The following UNC45B variants were observed in gnomAD, a reference collection of about 807,000 sequenced individuals.
UNC45B encodes unc-45 myosin chaperone B.
Under a neutral mutation model 98.7 loss-of-function variants are expected in UNC45B, and 78 were observed. That is an observed-to-expected ratio of 0.79 (90% CI 0.66 to 0.95). The LOEUF (loss-of-function observed/expected upper bound fraction) is 0.95. UNC45B is among the 40% of genes least tolerant of loss of function. The probability of loss-of-function intolerance (pLI) is 0.00; values close to 1 mark genes in which losing one functional copy is unlikely to be tolerated. For missense variants in UNC45B, 1,225 were observed against 1,184.9 expected (o/e 1.03, Z -0.50); for synonymous variants, 462 against 480.4 (o/e 0.96, Z 0.50).
intron 8 of UNC45B, among the ~76,000 whole-genome samples, chr17:35,161,833 G>C (rs2092104624): frequency 6.6e-6 from 1 of 152,142 alleles, no homozygotes; most frequent in Non-Finnish European, 1.5e-5. Flanking sequence ...TCCAGGAAGG[G>C]GAGAGGGGCT....
intron 9 of UNC45B, among the ~76,000 whole-genome samples, chr17:35,165,477 G>A (rs900507870): frequency 3.9e-5 from 6 of 152,196 alleles, no homozygotes; most frequent in African/African-American, 1.2e-4. Flanking sequence ...ATGCTTAAAA[G>A]CACTCCAGGT....
At chr17:35,177,167 GGGT>G (rs1427791168) in intron 16 of UNC45B, 37 bp downstream of exon 16, 1 of 1,566,854 alleles carries the variant, frequency 6.4e-7, no homozygotes, top group South Asian at 1.1e-5. Context: ...GCAATGGGAG[GGGT>G]CTCCTTTGCT....
At chr17:35,183,111 G>A (rs2142607440) in intron 18 of UNC45B, among the ~76,000 whole-genome samples, 1 of 151,690 alleles carries the variant, frequency 6.6e-6, no homozygotes, top group South Asian at 2.1e-4. Context: ...AAAGGGATGG[G>A]AAATACAGTT....
rs941401331 is a variant in UNC45B at position 35,171,570 on chromosome 17, G to A, written c.1830+108G>A. The A allele has an allele frequency of 1.7e-5, 23 of 1,374,086 alleles. No homozygotes were observed. In the Admixed American group the frequency reaches 2.2e-4, roughly 13 times the overall value. 85.1% of individuals were successfully genotyped at this position (1,374,086 alleles called of 1,614,324 possible). ...CAGGAGTGGCACGGTGTGTGTTTGGGTGGTTGGGGGTAAGATACACATACA... is the reference window on the plus strand; with the variant it reads ...CAGGAGTGGCACGGTGTGTGTTTGGATGGTTGGGGGTAAGATACACATACA... On this transcript the variant is annotated intron_variant, in intron 13 of 19. Transcript: ENST00000394570.
In UNC45B at chr17:35,155,456, T is replaced by A. The variant is rs752299850; in HGVS notation, c.800T>A (p.Leu267Gln). The A allele has an allele frequency of 1.2e-6, 2 of 1,614,106 alleles. No individual in the cohort carries two copies. The highest frequency in any genetic ancestry group is 1.7e-6 in the Non-Finnish European group (2 of 1,179,964). ...KREHRGKEEA[L>Q]VLDTKKDLKQ... Reference sequence around the variant, plus strand: ...GAGCATCGAGGGAAGGAGGAGGCCCTGGTTCTAGGTAGGAAACATTCTTCA... The same window carrying A: ...GAGCATCGAGGGAAGGAGGAGGCCCAGGTTCTAGGTAGGAAACATTCTTCA... The change falls in exon 7 of 20, where the codon CTG (leucine) becomes CAG (glutamine). Residue 267 changes from leucine (L) to glutamine (Q), a missense_variant. Leu to Gln is a moderately radical substitution (Grantham distance 113). Transcript: ENST00000394570.
At chr17:35,177,231 T>G in intron 16 of UNC45B, 101 bp downstream of exon 16, 1 of 1,127,872 alleles carries the variant, frequency 8.9e-7, no homozygotes, top group South Asian at 1.5e-5. Context: ...GACAGGGGCA[T>G]GGTGCTGTCA....
chr17:35,171,467 G>A lies in UNC45B; in HGVS notation c.1830+5G>A, dbSNP rs749978679. On this transcript the variant is annotated splice_donor_5th_base_variant and intron_variant, in intron 13 of 19. Transcript: ENST00000394570. ...GTGCCCGAGGAACACCCCAAGGTAG[G>A]GTCAGGCGCGACCCGGGAGGGGTCT... 17 of 1,613,672 alleles carry A rather than the reference G, an allele frequency of 1.1e-5. No individual in the cohort carries two copies. The highest frequency in any genetic ancestry group is 1.4e-5 in the Non-Finnish European group (17 of 1,179,822).
chr17:35,154,040 A>G (rs1454049042), intron 5 of UNC45B, among the ~76,000 whole-genome samples: 2 of 152,126 alleles, frequency 1.3e-5, no homozygotes, highest in Non-Finnish European at 2.9e-5. Context: ...GACTCACCCA[A>G]GCTCATACAG....
intron 8 of UNC45B, among the ~76,000 whole-genome samples, chr17:35,160,216 C>T (rs2092093133): frequency 6.6e-6 from 1 of 152,142 alleles, no homozygotes; most frequent in African/African-American, 2.4e-5. Flanking sequence ...GTCTCCTGCT[C>T]AGTAAATGAT....
chr17:35,155,276 G>A lies in UNC45B; in HGVS notation c.640-20G>A. ...AGGGAGGGGCAAGGCAGCTGACCAT[G>A]GTTCTTGCTGGGGTTCTAGGCCACA... On this transcript the variant is annotated intron_variant, in intron 6 of 19. Coordinates refer to ENST00000394570, the MANE Select transcript of UNC45B (RefSeq NM_001267052.2). 6.2e-7 allele frequency: 1 copy of A among 1,611,616 alleles called. No individual in the cohort carries two copies. The highest frequency in any genetic ancestry group is 8.5e-7 in the Non-Finnish European group (1 of 1,178,372).
At position 35,187,937 on chromosome 17, in the gene UNC45B, T is replaced by G. The variant is rs2092313519; in HGVS notation, c.*1378T>G. On this transcript the variant is annotated 3_prime_UTR_variant, in exon 20 of 20. Transcript: ENST00000394570. ...GTGGGACATTCAGATTTACGGTCCT[T>G]GATAAAAACAATTTACAACGTTCCG... 6.6e-6 allele frequency: 1 copy of G among 152,220 alleles called. No individual in the cohort carries two copies. The highest frequency in any genetic ancestry group is 6.5e-5 in the Admixed American group (1 of 15,280). 9.4% of individuals were successfully genotyped at this position (152,220 alleles called of 1,614,324 possible).
chr17:35,164,870 T>C (rs2092127121), intron 9 of UNC45B, among the ~76,000 whole-genome samples: 1 of 151,652 alleles, frequency 6.6e-6, no homozygotes, highest in Admixed American at 6.6e-5. Context: ...CTACAGGCAC[T>C]TGCCACCATG....
chr17:35,186,394 A>G lies in UNC45B; in HGVS notation c.2625A>G (p.Ala875=), dbSNP rs2092304380. The G allele has an allele frequency of 6.2e-7, 1 of 1,614,104 alleles. No homozygotes were observed. The highest frequency in any genetic ancestry group is 1.7e-5 in the Admixed American group (1 of 60,002). The part of the protein sequence containing the change: ...RGLVIAYNLL[A]ADAELAKKLV... Reference sequence around the variant, plus strand: ...TGGTCATTGCCTACAACCTACTGGCAGCCGATGCTGAGCTGGCCAAGAAGC... The same window carrying G: ...TGGTCATTGCCTACAACCTACTGGCGGCCGATGCTGAGCTGGCCAAGAAGC... Residue 875 remains alanine (A), a synonymous_variant, in exon 20 of 20, where the codon GCA becomes GCG. Coordinates refer to ENST00000394570, the MANE Select transcript of UNC45B (RefSeq NM_001267052.2).
At chr17:35,179,757 G>A (rs913185311) in intron 17 of UNC45B, among the ~76,000 whole-genome samples, 4 of 152,218 alleles carry the variant, frequency 2.6e-5, no homozygotes, top group South Asian at 2.1e-4. Flanking sequence ...GTTGGGGGTG[G>A]GGAGCTGGGG....
intron 9 of UNC45B, among the ~76,000 whole-genome samples, chr17:35,166,169 G>A (rs1339293366): frequency 6.6e-6 from 1 of 150,644 alleles, no homozygotes; most frequent in Non-Finnish European, 1.5e-5. Context: ...TTGGGAAGCT[G>A]AGGTAGGAGG....
chr17:35,155,320 C>A lies in UNC45B; in HGVS notation c.664C>A (p.Arg222=), dbSNP rs200208385. Reference sequence around the variant, plus strand: ...GGCCACAGTGATTCTGCATGCAGTGCGGATAGACCGAATCTGTAGCCTCAT... The same window carrying A: ...GGCCACAGTGATTCTGCATGCAGTGAGGATAGACCGAATCTGTAGCCTCAT... The part of the protein sequence containing the change: ...ARATVILHAV[R]IDRICSLMAV... Residue 222 remains arginine, a synonymous_variant, in exon 7 of 20, where the codon CGG becomes AGG. Coordinates refer to ENST00000394570, the MANE Select transcript of UNC45B (RefSeq NM_001267052.2). The A allele has an allele frequency of 3.4e-5, 55 of 1,613,944 alleles. No individual in the cohort carries two copies. Among genetic ancestry groups the A allele is most frequent in the South Asian group, 3.0e-4 (27 of 91,066 alleles).
rs746223064 is a variant in UNC45B, at chr17:35,170,270, G to A, written c.1689+15G>A. ...AGCTGGCCAAGGCAGGTGTCGGGGA[G>A]TCTGGCCCGACCACAAACCTCAGGA... On this transcript the variant is annotated intron_variant, in intron 12 of 19. Coordinates refer to ENST00000394570, the MANE Select transcript of UNC45B (RefSeq NM_001267052.2). 9.4e-6 allele frequency: 15 copies of A among 1,591,538 alleles called. 1 individual carries two copies. The highest frequency in any genetic ancestry group is 1.8e-4 in the Middle Eastern group (1 of 5,596).
intron 8 of UNC45B, among the ~76,000 whole-genome samples, chr17:35,160,597 G>A (rs2092096421): frequency 6.6e-6 from 1 of 152,124 alleles, no homozygotes; most frequent in African/African-American, 2.4e-5. Flanking sequence ...GAACCATCAT[G>A]CCGGGCTAAT....
chr17:35,150,365 C>T lies in UNC45B; in HGVS notation c.381+142C>T. The T allele has an allele frequency of 5.6e-6, 5 of 895,502 alleles. No homozygotes were observed. The East Asian group carries it at 1.4e-4, about 25-fold the overall frequency. The allele number at this position is 895,502 out of a possible 1,614,324, so 55.5% of individuals were successfully genotyped here. ...AGATAGAGACAGCAAGTGGCATGGG[C>T]AGGCTGCACAGAACAGCTAAGCAGG... is the stretch of plus-strand genomic sequence containing the variant. On this transcript the variant is annotated intron_variant, in intron 4 of 19. Transcript: ENST00000394570.
Sources: gnomAD v4.1 joint callset for allele counts (sites outside exome capture counted in the v4.1 genomes callset) on GRCh38, gnomAD v4.1.1 for gene constraint, MANE v1.5 for transcripts, NCBI Gene and HGNC (gene_info 2026-07-23, HGNC 2026-07-21) for gene names.